The following EYA2 variants were observed in gnomAD, a reference collection of about 807,000 sequenced individuals.
EYA2 encodes EYA transcriptional coactivator and phosphatase 2, also known as protein phosphatase EYA2.
A neutral mutation model predicts 69.2 loss-of-function variants in EYA2; 31 were observed. The observed-to-expected ratio is 0.45, with a 90% CI of 0.34 to 0.60. The LOEUF is 0.60. Among genes scored for constraint, EYA2 ranks in the 20% least tolerant of loss-of-function variants. The probability of loss-of-function intolerance (pLI) is 0.02; values close to 1 mark genes in which losing one functional copy is unlikely to be tolerated. For missense variants in EYA2, 622 were observed against 701.2 expected (o/e 0.89, Z 1.28); for synonymous variants, 257 against 279.4 (o/e 0.92, Z 0.80).
At chr20:47,082,960 G>A (rs56172659) in intron 7 of EYA2, among the ~76,000 whole-genome samples, 17,968 of 151,898 alleles carry the variant, frequency 0.12, 1,375 homozygotes, top group Non-Finnish European at 0.17. Context: ...TTGGGAGGCC[G>A]AAGAGGGAGG....
At chr20:46,993,781 G>C (rs182004040) in intron 2 of EYA2, among the ~76,000 whole-genome samples, 4 of 152,276 alleles carry the variant, frequency 2.6e-5, no homozygotes, top group Non-Finnish European at 4.4e-5. Flanking sequence ...GAGGGTTGCA[G>C]TTTTTGTTAG....
chr20:46,998,966 G>A (rs150146765), intron 2 of EYA2, among the ~76,000 whole-genome samples: 43 of 152,264 alleles, frequency 2.8e-4, no homozygotes, highest in African/African-American at 9.4e-4. Context: ...ACAGGTCTGC[G>A]TAGTGGGGGA....
chr20:46,927,937 C>T (rs751039735), intron 1 of EYA2, among the ~76,000 whole-genome samples: 7 of 152,080 alleles, frequency 4.6e-5, no homozygotes, highest in East Asian at 1.9e-4. Flanking sequence ...AACCGTGACC[C>T]GAATCAATAG....
At chr20:47,178,618 T>C (rs1444570596) in intron 12 of EYA2, among the ~76,000 whole-genome samples, 1 of 152,062 alleles carries the variant, frequency 6.6e-6, no homozygotes, top group African/African-American at 2.4e-5. Context: ...GGTTGAGAAA[T>C]ACCCAGGGTA....
rs2034691017 is a variant in EYA2 at position 47,188,434 on chromosome 20, C to A, written c.*301C>A. Reference sequence around the variant, plus strand: ...AAGGAATTGCTGATTTGGGGGGTGCCTGGTGATGAGGAGGGGATGGGTTTG... The same window carrying A: ...AAGGAATTGCTGATTTGGGGGGTGCATGGTGATGAGGAGGGGATGGGTTTG... On this transcript the variant is annotated 3_prime_UTR_variant, in exon 16 of 16. Transcript: ENST00000327619. 2 of 559,588 alleles carry A rather than the reference C, an allele frequency of 3.6e-6. No individual in the cohort carries two copies. Among genetic ancestry groups the A allele is most frequent in the Non-Finnish European group, 3.2e-6 (1 of 315,252 alleles). 34.7% of individuals were successfully genotyped at this position (559,588 alleles called of 1,614,324 possible). A position where few individuals can be genotyped will look rare whatever the true frequency, so the allele number is the denominator to read the frequency against.
chr20:47,042,401 C>T (rs1412217000), intron 5 of EYA2, among the ~76,000 whole-genome samples: 2 of 152,172 alleles, frequency 1.3e-5, no homozygotes, highest in African/African-American at 4.8e-5. Context: ...TTTGTATCAT[C>T]ACTGGTGGTT....
Position 47,149,640 on chromosome 20 carries a change from C to G in EYA2, c.978+6492C>G, listed in dbSNP as rs374435955. ...AGTGGATCATTTGCGGTCAGGAGTT[C>G]AAGACCAGCCTCGCCAACATGGCAA... On this transcript the variant is annotated intron_variant, in intron 10 of 15. Transcript: ENST00000327619. Among the ~76,000 whole-genome samples, 13 of 141,614 alleles carry G rather than the reference C, an allele frequency of 9.2e-5. No homozygotes were observed. The South Asian group carries it at 2.9e-3, about 31-fold the overall frequency. The allele number at this position is 141,614 out of a possible 152,430, so 92.9% of individuals were successfully genotyped here. A position where few individuals can be genotyped will look rare whatever the true frequency, so the allele number is the denominator to read the frequency against.
At chr20:47,131,803 A>G (rs1223154717) in intron 9 of EYA2, among the ~76,000 whole-genome samples, 1 of 152,250 alleles carries the variant, frequency 6.6e-6, no homozygotes, top group African/African-American at 2.4e-5. Flanking sequence ...GAATAAGTGT[A>G]CATTGTTTAA....
intron 9 of EYA2, among the ~76,000 whole-genome samples, chr20:47,115,208 A>C (rs2032856649): frequency 6.6e-6 from 1 of 152,092 alleles, no homozygotes; most frequent in South Asian, 2.1e-4. Flanking sequence ...GGATTGCTTG[A>C]AAATGCAAAT....
chr20:47,002,895 C>T (rs906925131), intron 3 of EYA2, among the ~76,000 whole-genome samples: 2 of 152,178 alleles, frequency 1.3e-5, no homozygotes, highest in African/African-American at 4.8e-5. Flanking sequence ...AACCCTTTAT[C>T]GTGGCAGTAG....
chr20:47,177,712 T>A (rs1293788772), intron 12 of EYA2, among the ~76,000 whole-genome samples: 1 of 152,246 alleles, frequency 6.6e-6, no homozygotes, highest in Admixed American at 6.5e-5. Flanking sequence ...GATGTCTCCA[T>A]AGCACAGGCA....
At chr20:47,140,394 G>A (rs1273766899) in intron 9 of EYA2, among the ~76,000 whole-genome samples, 2 of 151,930 alleles carry the variant, frequency 1.3e-5, no homozygotes, top group Non-Finnish European at 2.9e-5. Context: ...ATTCTTCACA[G>A]TTGTGTGTGT....
At chr20:47,037,847 A>T (rs1234493495) in intron 5 of EYA2, among the ~76,000 whole-genome samples, 1 of 151,900 alleles carries the variant, frequency 6.6e-6, no homozygotes, top group African/African-American at 2.4e-5. Context: ...CTGAAACCCT[A>T]ATTTCCCTTT....
chr20:47,036,561 C>G (rs568072507), intron 5 of EYA2, among the ~76,000 whole-genome samples: 6 of 152,280 alleles, frequency 3.9e-5, no homozygotes, highest in African/African-American at 1.2e-4. Flanking sequence ...GTGTTTTTAA[C>G]TTCTTCCACT....
At chr20:47,169,457 G>A (rs1182783449) in intron 11 of EYA2, among the ~76,000 whole-genome samples, 6 of 152,096 alleles carry the variant, frequency 3.9e-5, no homozygotes, top group Non-Finnish European at 8.8e-5. Flanking sequence ...ACCAGCCTGA[G>A]CAACATAGTG....
intron 5 of EYA2, among the ~76,000 whole-genome samples, chr20:47,023,986 C>A (rs1000568422): frequency 6.6e-6 from 1 of 152,164 alleles, no homozygotes; most frequent in Non-Finnish European, 1.5e-5. Context: ...TCCAATCTTT[C>A]TTCTGGCTTC....
At chr20:47,021,088 A>T (rs756208960) in intron 5 of EYA2, among the ~76,000 whole-genome samples, 1 of 152,138 alleles carries the variant, frequency 6.6e-6, no homozygotes, top group Non-Finnish European at 1.5e-5. Context: ...ATGTATGTGA[A>T]GTGTTTAGAG....
intron 1 of EYA2, among the ~76,000 whole-genome samples, chr20:46,935,798 T>C (rs933658143): frequency 3.4e-4 from 51 of 152,084 alleles, no homozygotes; most frequent in African/African-American, 1.2e-3. Context: ...TATGTTGCAA[T>C]AGTTCGTTAT....
chr20:47,080,444 G>T (rs1314056142), intron 7 of EYA2, among the ~76,000 whole-genome samples: 1 of 105,756 alleles, frequency 9.5e-6, no homozygotes, highest in African/African-American at 3.8e-5. Context: ...TGAGGGAGGG[G>T]GGAGGGAGGG....
Sources: gnomAD v4.1 joint callset for allele counts (sites outside exome capture counted in the v4.1 genomes callset) on GRCh38, gnomAD v4.1.1 for gene constraint, MANE v1.5 for transcripts, NCBI Gene and HGNC (gene_info 2026-07-23, HGNC 2026-07-21) for gene names.